The following PPP2R2B variants were observed in gnomAD, a reference collection of about 807,000 sequenced individuals.
PPP2R2B encodes the protein serine/threonine-protein phosphatase 2A 55 kDa regulatory subunit B beta isoform.
In PPP2R2B, 5 loss-of-function variants were observed where a neutral mutation model predicts 46.0. The ratio of observed to expected loss-of-function variants is 0.11; its 90% CI spans 0.06 to 0.23. The LOEUF (loss-of-function observed/expected upper bound fraction) is 0.23. PPP2R2B is among the 10% of genes least tolerant of loss of function. The probability of loss-of-function intolerance (pLI) is 1.00; values close to 1 mark genes in which losing one functional copy is unlikely to be tolerated. For missense variants in PPP2R2B, 367 were observed against 575.0 expected (o/e 0.64, Z 3.70); for synonymous variants, 215 against 206.7 (o/e 1.04, Z -0.34).
At chr5:146,990,088 A>G (rs1350054451) in intron 1 of PPP2R2B, among the ~76,000 whole-genome samples, 1 of 83,696 alleles carries the variant, frequency 1.2e-5, no homozygotes, top group Non-Finnish European at 3.6e-5. Context: ...TGAAAAAGAC[A>G]AATAAATGAA....
intron 2 of PPP2R2B, among the ~76,000 whole-genome samples, chr5:146,855,404 G>A (rs1760596674): frequency 1.3e-5 from 2 of 152,176 alleles, no homozygotes; most frequent in South Asian, 4.2e-4. Context: ...AGTTCCCTTA[G>A]GACACAAATG....
chr5:146,959,774 T>A (rs895971624), intron 1 of PPP2R2B, among the ~76,000 whole-genome samples: 2 of 152,112 alleles, frequency 1.3e-5, no homozygotes, highest in Admixed American at 1.3e-4. Context: ...GTTGTTATGC[T>A]GATGATGGGT....
chr5:146,928,364 A>G (rs970542881), intron 1 of PPP2R2B, among the ~76,000 whole-genome samples: 7 of 151,878 alleles, frequency 4.6e-5, no homozygotes, highest in African/African-American at 1.5e-4. Context: ...CCTCTAAGTC[A>G]CCATACCCAA....
Position 146,967,677 on chromosome 5 carries a change from A to G in PPP2R2B, c.79+87988T>C, listed in dbSNP as rs146751004. Reference sequence around the variant, plus strand: ...CAGGGGCAGCCCCACTCAGTAAAGCACTTCCCAGAATGTTTAAGCTCAGAA... The same window carrying G: ...CAGGGGCAGCCCCACTCAGTAAAGCGCTTCCCAGAATGTTTAAGCTCAGAA... On this transcript the variant is annotated intron_variant, in intron 1 of 8. Coordinates refer to the PPP2R2B transcript ENST00000336640. 8.2e-4 allele frequency among the ~76,000 whole-genome samples: 125 copies of G among 152,280 alleles called. No individual in the cohort carries two copies. In the East Asian group the frequency reaches 0.017, roughly 21 times the overall value.
Position 146,586,486 on chromosome 5 carries a change from C to A in PPP2R2B, c.*3461G>T, listed in dbSNP as rs1770170958. ...TGAAGGGAGGGAAATTATGGCTTTT[C>A]AAGTCCTTAGAAATTGGGCATTTGA... On this transcript the variant is annotated 3_prime_UTR_variant, in exon 10 of 10. Transcript: ENST00000394411. The A allele has an allele frequency of 6.6e-6, 1 of 152,114 alleles. No homozygotes were observed. The highest frequency in any genetic ancestry group is 6.5e-5 in the Admixed American group (1 of 15,272). 9.4% of individuals were successfully genotyped at this position (152,114 alleles called of 1,614,324 possible).
At chr5:146,785,795 A>C (rs1368691065) in intron 2 of PPP2R2B, among the ~76,000 whole-genome samples, 1 of 152,216 alleles carries the variant, frequency 6.6e-6, no homozygotes, top group Non-Finnish European at 1.5e-5. Flanking sequence ...TGATATATGC[A>C]TGTTCTCACT....
intron 2 of PPP2R2B, among the ~76,000 whole-genome samples, chr5:146,767,437 T>C (rs1411943540): frequency 6.6e-6 from 1 of 152,112 alleles, no homozygotes; most frequent in African/African-American, 2.4e-5. Flanking sequence ...AATCTTTCAG[T>C]AGGAAGTGTT....
intron 5 of PPP2R2B, among the ~76,000 whole-genome samples, chr5:146,688,543 G>T (rs1372576027): frequency 1.3e-5 from 2 of 151,848 alleles, no homozygotes; most frequent in African/African-American, 4.8e-5. Context: ...AGGTTGTTAG[G>T]TTACACAGCT....
intron 1 of PPP2R2B, among the ~76,000 whole-genome samples, chr5:146,901,255 T>A (rs1473559230): frequency 6.6e-6 from 1 of 152,158 alleles, no homozygotes; most frequent in African/African-American, 2.4e-5. Context: ...ATCCCAGCAC[T>A]TTGGGAGGCT....
chr5:146,635,579 G>A (rs769104682), intron 7 of PPP2R2B, among the ~76,000 whole-genome samples: 6 of 152,138 alleles, frequency 3.9e-5, no homozygotes, highest in Non-Finnish European at 7.3e-5. Context: ...AGGGCTTCCC[G>A]TGCCATCCCT....
At chr5:146,618,569 C>G (rs971303558) in intron 7 of PPP2R2B, among the ~76,000 whole-genome samples, 1 of 152,226 alleles carries the variant, frequency 6.6e-6, no homozygotes, top group East Asian at 1.9e-4. Context: ...ATGAATTCCC[C>G]CTTCAACTCT....
At chr5:147,073,798 G>A (rs1276270071) in intron 2 of PPP2R2B, among the ~76,000 whole-genome samples, 1 of 152,172 alleles carries the variant, frequency 6.6e-6, no homozygotes, top group East Asian at 1.9e-4. Flanking sequence ...AGCACTTTGG[G>A]AGGCCGAGGC....
intron 2 of PPP2R2B, among the ~76,000 whole-genome samples, chr5:146,723,001 C>A (rs1751623323): frequency 6.6e-6 from 1 of 152,174 alleles, no homozygotes. Context: ...CATCCTCGAT[C>A]CTCAGATTGT....
chr5:146,645,746 C>T (rs1775539038), intron 6 of PPP2R2B, among the ~76,000 whole-genome samples: 1 of 152,150 alleles, frequency 6.6e-6, no homozygotes, highest in South Asian at 2.1e-4. Flanking sequence ...TCCCTAGAGT[C>T]CAGCTGGCTT....
intron 7 of PPP2R2B, among the ~76,000 whole-genome samples, chr5:146,632,107 C>G (rs1242573801): frequency 7.5e-6 from 1 of 134,020 alleles, no homozygotes; most frequent in Non-Finnish European, 1.5e-5. Context: ...ACTCCCAGTA[C>G]TGCAAAATAT....
chr5:146,772,663 C>T (rs1404518877), intron 2 of PPP2R2B, among the ~76,000 whole-genome samples: 2 of 152,018 alleles, frequency 1.3e-5, no homozygotes, highest in Non-Finnish European at 1.5e-5. Context: ...AGCCATGGAA[C>T]TCCTCAAGGG....
chr5:146,775,424 T>C (rs909273748), intron 2 of PPP2R2B, among the ~76,000 whole-genome samples: 1 of 152,112 alleles, frequency 6.6e-6, no homozygotes, highest in Non-Finnish European at 1.5e-5. Flanking sequence ...GAAAAAGCAT[T>C]TGACAAAATC....
chr5:146,828,255 T>TTC (rs1758703030), intron 2 of PPP2R2B, among the ~76,000 whole-genome samples: 1 of 109,150 alleles, frequency 9.2e-6, no homozygotes, highest in East Asian at 2.9e-4. Flanking sequence ...TTACTTTTAC[T>TTC]TTTTTTAAAA....
chr5:146,609,949 T>G (rs1772711832), intron 7 of PPP2R2B, among the ~76,000 whole-genome samples: 3 of 145,118 alleles, frequency 2.1e-5, no homozygotes, highest in Admixed American at 6.8e-5. Flanking sequence ...CAGGCTTGCT[T>G]AGGTAAACAA....
Sources: allele counts gnomAD v4.1 joint callset (sites outside exome capture counted in the v4.1 genomes callset), GRCh38; gene constraint gnomAD v4.1.1; transcripts MANE v1.5; gene names NCBI Gene and HGNC (gene_info 2026-07-23, HGNC 2026-07-21).